ARHGEF7: variants seen among roughly 807,000 people sequenced by gnomAD.
The protein encoded by ARHGEF7 is PAK-interacting exchange factor beta.
A neutral mutation model predicts 109.8 loss-of-function variants in ARHGEF7; 33 were observed. That is an observed-to-expected ratio of 0.30 (90% CI 0.23 to 0.40). The LOEUF (loss-of-function observed/expected upper bound fraction) is 0.40, where lower values mean the gene tolerates loss of function less well. Among genes scored for constraint, ARHGEF7 ranks in the 10% least tolerant of loss-of-function variants. ARHGEF7 has a pLI of 1.00. For missense variants in ARHGEF7, 938 were observed against 1,098.5 expected (o/e 0.85, Z 2.07); for synonymous variants, 458 against 424.6 (o/e 1.08, Z -0.97).
intron 3 of ARHGEF7, 53 bp from the exon 4 acceptor site, chr13:111,209,819 G>A: frequency 1.9e-6 from 3 of 1,594,896 alleles, no homozygotes; most frequent in Non-Finnish European, 2.6e-6. Flanking sequence ...TAGTGTGGGT[G>A]CGTGGTATCA....
chr13:111,119,332 G>A (rs1447048901), intron 1 of ARHGEF7, among the ~76,000 whole-genome samples: 2 of 152,216 alleles, frequency 1.3e-5, no homozygotes, highest in Non-Finnish European at 2.9e-5. Flanking sequence ...GAATGCTGGA[G>A]GAGCACAGTT....
intron 2 of ARHGEF7, among the ~76,000 whole-genome samples, chr13:111,200,237 G>T (rs1019300568): frequency 3.3e-5 from 5 of 152,002 alleles, no homozygotes; most frequent in Non-Finnish European, 7.4e-5. Context: ...TTTTCCTCCC[G>T]GTCATCTCCA....
intron 1 of ARHGEF7, among the ~76,000 whole-genome samples, chr13:111,151,876 G>C (rs1286624707): frequency 6.6e-6 from 1 of 151,218 alleles, no homozygotes; most frequent in African/African-American, 2.4e-5. Context: ...TACAGAATGA[G>C]AACTAAAAAA....
chr13:111,189,821 G>T (rs553731667), intron 2 of ARHGEF7, among the ~76,000 whole-genome samples: 1 of 152,192 alleles, frequency 6.6e-6, no homozygotes, highest in Non-Finnish European at 1.5e-5. Flanking sequence ...GCTGATTGGT[G>T]TGTTTACAGA....
intron 16 of ARHGEF7, 68 bp downstream of exon 16, chr13:111,283,431 C>A: frequency 6.6e-7 from 1 of 1,508,728 alleles, no homozygotes. Context: ...GGTGTGCCCA[C>A]GTGCTGGGCC....
intron 1 of ARHGEF7, among the ~76,000 whole-genome samples, chr13:111,140,377 G>A (rs150657966): frequency 1.4e-4 from 22 of 152,312 alleles, no homozygotes; most frequent in African/African-American, 5.1e-4. Flanking sequence ...CACCTAGGGC[G>A]GTGGTGCAGG....
chr13:111,165,405 T>C (rs2077048988), intron 2 of ARHGEF7, among the ~76,000 whole-genome samples: 1 of 152,238 alleles, frequency 6.6e-6, no homozygotes, highest in Non-Finnish European at 1.5e-5. Flanking sequence ...GCATCACTTG[T>C]ATCTCCGCTG....
intron 8 of ARHGEF7, among the ~76,000 whole-genome samples, chr13:111,245,379 TGGTTCATTGTTGTGTAGAATAAGAGAA>T (rs1471543203): frequency 1.3e-5 from 2 of 152,120 alleles, no homozygotes; most frequent in Non-Finnish European, 2.9e-5. Flanking sequence ...GATTGAGAAA[TGGTTCATTGTTGTGTAGAATAAGAGAA>T]GATGACACTT....
intron 19 of ARHGEF7, chr13:111,294,826 T>G (rs45617435): frequency 0.022 from 21,967 of 985,812 alleles, 274 homozygotes; most frequent in Middle Eastern, 0.052. Context: ...GAAGGTAGGT[T>G]TAAGCCATCA....
At chr13:111,264,704 G>A (rs1367328244) in intron 8 of ARHGEF7, among the ~76,000 whole-genome samples, 2 of 152,212 alleles carry the variant, frequency 1.3e-5, no homozygotes, top group Non-Finnish European at 2.9e-5. Flanking sequence ...GAAGGAGGGC[G>A]TTGGCCTTTT....
chr13:111,140,437 G>C, intron 1 of ARHGEF7, among the ~76,000 whole-genome samples: 1 of 152,188 alleles, frequency 6.6e-6, no homozygotes, highest in East Asian at 1.9e-4. Flanking sequence ...CATGAACAGA[G>C]ACTTGATGAA....
chr13:111,155,333 A>G (rs540136615), intron 2 of ARHGEF7, among the ~76,000 whole-genome samples: 4 of 152,358 alleles, frequency 2.6e-5, no homozygotes, highest in South Asian at 2.1e-4. Context: ...GGCAGGTTAC[A>G]TGGAAAGTTT....
chr13:111,232,939 G>A (rs561218856), intron 5 of ARHGEF7, among the ~76,000 whole-genome samples: 7 of 152,264 alleles, frequency 4.6e-5, no homozygotes, highest in African/African-American at 1.2e-4. Flanking sequence ...GCTGGCATTC[G>A]TGGAGCAGTC....
intron 18 of ARHGEF7, among the ~76,000 whole-genome samples, chr13:111,290,572 C>T (rs182062642): frequency 1.3e-5 from 2 of 152,226 alleles, no homozygotes; most frequent in East Asian, 3.9e-4. Context: ...GTCATAGTGC[C>T]CACCACATTT....
At chr13:111,137,731 A>G (rs868683163) in intron 1 of ARHGEF7, among the ~76,000 whole-genome samples, 6 of 152,200 alleles carry the variant, frequency 3.9e-5, no homozygotes, top group Admixed American at 6.5e-5. Context: ...AAGAGAAACA[A>G]TCTCCATTAA....
rs376602371 is a variant in ARHGEF7, at chr13:111,154,914, A to G, written c.252+923A>G. On this transcript the variant is annotated intron_variant, in intron 2 of 21. Transcript: ENST00000646102. ...GAGATGGGCAATATCAAGCTCCCAG[A>G]TAAGAGTACAGTCGGCCCTCCGTAT... is the stretch of plus-strand genomic sequence containing the variant. Among the ~76,000 whole-genome samples, 39 of 152,282 alleles carry G rather than the reference A, an allele frequency of 2.6e-4. 1 individual carries two copies. In the South Asian group the frequency reaches 7.7e-3, roughly 30 times the overall value.
rs879492805 is a variant in ARHGEF7, at chr13:111,290,152, CTCAATT to C, written c.2134+1713_2134+1718del. Among the ~76,000 whole-genome samples the C allele has an allele frequency of 2.0e-4, 30 of 152,234 alleles. No homozygotes were observed. The South Asian group carries it at 6.2e-3, about 32-fold the overall frequency. ...TTTGAATTTGAGATTTTTTTGTCAT[CTCAATT>C]TCAGTTACTTGAAATAAAATTTTAA... On this transcript the variant is annotated intron_variant, in intron 18 of 21. Transcript: ENST00000646102.
intron 2 of ARHGEF7, among the ~76,000 whole-genome samples, chr13:111,158,128 A>G (rs550417798): frequency 2.0e-5 from 3 of 152,236 alleles, no homozygotes; most frequent in Non-Finnish European, 2.9e-5. Flanking sequence ...ATTTTAACTT[A>G]GTTCTGTTTG....
In ARHGEF7 at chr13:111,153,931, C is replaced by G. The variant is rs768987816; in HGVS notation, c.192C>G (p.Ser64Arg). 2 of 1,605,460 alleles carry G rather than the reference C, an allele frequency of 1.2e-6. No individual in the cohort carries two copies. The highest frequency in any genetic ancestry group is 8.5e-7 in the Non-Finnish European group (1 of 1,177,252). ...EKVYPEPRSE[S>R]ECLSNIREFL... is the part of the protein sequence containing the mutation. ...TCTACCCCGAGCCCCGGAGCGAGAG[C>G]GAGTGCCTGAGCAACATCCGCGAGT... Residue 64 changes from serine to arginine, a missense_variant, in exon 2 of 22, where the codon AGC becomes AGG. By Grantham distance (110) the Ser-to-Arg change is moderately radical. Transcript: ENST00000646102.
Sources: gnomAD v4.1 joint callset for allele counts (sites outside exome capture counted in the v4.1 genomes callset) on GRCh38, gnomAD v4.1.1 for gene constraint, MANE v1.5 for transcripts, NCBI Gene and HGNC (gene_info 2026-07-23, HGNC 2026-07-21) for gene names.